GRIA3: variants seen among roughly 807,000 people sequenced by gnomAD.
GRIA3 encodes the protein glutamate ionotropic receptor AMPA type subunit 3.
Under a neutral mutation model 63.0 loss-of-function variants are expected in GRIA3, and 3 were observed. The observed-to-expected ratio is 0.05, with a 90% confidence interval of 0.02 to 0.12. GRIA3 has a LOEUF of 0.12. Ranked by LOEUF, GRIA3 falls within the 10% of genes least tolerant of loss-of-function variation. The pLI is 1.00. For synonymous variants in GRIA3, 274 were observed against 257.9 expected (o/e 1.06, Z -0.60); for missense variants, 347 against 700.9 (o/e 0.50, Z 5.70).
intron 4 of GRIA3, among the ~76,000 whole-genome samples, chrX:123,340,824 T>C (rs1239811023): frequency 8.9e-6 from 1 of 111,772 alleles, no homozygotes; most frequent in Non-Finnish European, 1.9e-5. Flanking sequence ...ATTCACCCTA[T>C]GATGACTTAA....
chrX:123,406,362 G>C (rs2045474001), intron 10 of GRIA3, among the ~76,000 whole-genome samples: 1 of 111,963 alleles, frequency 8.9e-6, no homozygotes, highest in Middle Eastern at 4.6e-3. Context: ...GCTCCAGCTG[G>C]CAAGAAGCAA....
At chrX:123,467,760 A>G (rs1223880820) in intron 13 of GRIA3, among the ~76,000 whole-genome samples, 1 of 112,232 alleles carries the variant, frequency 8.9e-6, no homozygotes, top group African/African-American at 3.2e-5. Context: ...ATATAAACAA[A>G]CAAAAAAATC....
chrX:123,276,847 G>A (rs999021908), intron 3 of GRIA3, among the ~76,000 whole-genome samples: 2 of 111,356 alleles, frequency 1.8e-5, no homozygotes, highest in African/African-American at 6.5e-5. Context: ...AGACAGTATG[G>A]TAACTACTAG....
intron 5 of GRIA3, among the ~76,000 whole-genome samples, chrX:123,382,725 G>T (rs1452666392): frequency 8.9e-6 from 1 of 111,850 alleles, no homozygotes; most frequent in Non-Finnish European, 1.9e-5. Flanking sequence ...GAAAAGAGTG[G>T]TACAGTAGAC....
At chrX:123,463,820 AGAAAG>A (rs1364790470) in intron 12 of GRIA3, among the ~76,000 whole-genome samples, 2 of 109,515 alleles carry the variant, frequency 1.8e-5, no homozygotes, top group Non-Finnish European at 3.8e-5. Context: ...AGAAAGAAAA[AGAAAG>A]AGAAAGAAAG....
intron 5 of GRIA3, among the ~76,000 whole-genome samples, chrX:123,365,167 A>G (rs1324490058): frequency 8.9e-6 from 1 of 112,081 alleles, no homozygotes; most frequent in Non-Finnish European, 1.9e-5. Flanking sequence ...AGCTTGATCT[A>G]ATCATTTCAC....
chrX:123,380,714 C>T (rs1205753843), intron 5 of GRIA3, among the ~76,000 whole-genome samples: 3 of 111,841 alleles, frequency 2.7e-5, no homozygotes, highest in Admixed American at 9.5e-5. Context: ...ACATGAAGTC[C>T]TTGCCCATGC....
At chrX:123,214,770 C>T (rs957852189) in intron 2 of GRIA3, among the ~76,000 whole-genome samples, 3 of 112,085 alleles carry the variant, frequency 2.7e-5, no homozygotes, top group East Asian at 2.8e-4. Flanking sequence ...TTACAAAAAC[C>T]TATCTGATAG....
At chrX:123,347,893 C>T (rs777068001) in intron 4 of GRIA3, among the ~76,000 whole-genome samples, 13 of 111,446 alleles carry the variant, frequency 1.2e-4, no homozygotes, top group Non-Finnish European at 1.9e-4. Context: ...TTAGGTGTGA[C>T]GAGTTATTGA....
At chrX:123,469,612 G>A (rs57034498) in intron 13 of GRIA3, among the ~76,000 whole-genome samples, 25,820 of 110,926 alleles carry the variant, frequency 0.23, 2,742 homozygotes, top group East Asian at 0.55. Flanking sequence ...TTAGAACTGT[G>A]CTTTGGGAAT....
chrX:123,185,758 A>G, intron 1 of GRIA3, 74 bp from the exon 2 acceptor site: 1 of 844,849 alleles, frequency 1.2e-6, no homozygotes. Flanking sequence ...TCCGGTATCT[A>G]TATTGTTCCC....
chrX:123,475,077 G>A (rs1001141001), intron 13 of GRIA3, among the ~76,000 whole-genome samples: 8 of 112,212 alleles, frequency 7.1e-5, no homozygotes, highest in African/African-American at 2.6e-4. Flanking sequence ...CCCACACTCA[G>A]GAATCATCAC....
At chrX:123,184,680 T>C (rs1485786220) in intron 1 of GRIA3, 36 bp downstream of exon 1, 2 of 971,620 alleles carry the variant, frequency 2.1e-6, no homozygotes, top group African/African-American at 1.9e-5. Flanking sequence ...GTCCAGGCTC[T>C]CCCTCACCCG....
intron 4 of GRIA3, among the ~76,000 whole-genome samples, chrX:123,338,818 G>A (rs993834562): frequency 8.9e-6 from 1 of 112,163 alleles, no homozygotes; most frequent in Non-Finnish European, 1.9e-5. Flanking sequence ...CCAAAGTGCT[G>A]GGATTACAGG....
chrX:123,463,684 G>GAAAGAA lies in GRIA3; in HGVS notation c.2077-1180_2077-1179insAAGAAA, dbSNP rs1450137968. ...AGAAAGAAAGAAAGAAAGAAAGAAAGAGAGAGAAAGAAAGAAAAAGAAAGA... is the reference window on the plus strand; with the variant it reads ...AGAAAGAAAGAAAGAAAGAAAGAAAGAAAGAAAGAGAGAAAGAAAGAAAAAGAAAGA... On this transcript the variant is annotated intron_variant, in intron 12 of 15. Transcript: ENST00000620443. 1.1e-4 allele frequency among the ~76,000 whole-genome samples: 6 copies of GAAAGAA among 54,084 alleles called. 1 individual carries two copies. Among genetic ancestry groups the GAAAGAA allele is most frequent in the East Asian group, 5.4e-4 (1 of 1,841 alleles). 47.0% of individuals were successfully genotyped at this position (54,084 alleles called of 115,157 possible). A position where few individuals can be genotyped will look rare whatever the true frequency, so the allele number is the denominator to read the frequency against.
At chrX:123,279,884 A>G (rs2044575306) in intron 3 of GRIA3, among the ~76,000 whole-genome samples, 1 of 111,679 alleles carries the variant, frequency 9.0e-6, no homozygotes, top group African/African-American at 3.3e-5. Flanking sequence ...TAAATTACCA[A>G]AGAAAGACAA....
At chrX:123,317,774 T>G (rs1240228698) in intron 3 of GRIA3, among the ~76,000 whole-genome samples, 2 of 111,718 alleles carry the variant, frequency 1.8e-5, no homozygotes, top group Non-Finnish European at 3.8e-5. Context: ...TGTCAGTGGA[T>G]CTACCATTCT....
At chrX:123,298,353 A>C (rs1311140102) in intron 3 of GRIA3, among the ~76,000 whole-genome samples, 1 of 111,277 alleles carries the variant, frequency 9.0e-6, no homozygotes, top group African/African-American at 3.3e-5. Flanking sequence ...CAGCAAGGGT[A>C]TATAAGGGTA....
chrX:123,340,209 C>T (rs1025241584), intron 4 of GRIA3, among the ~76,000 whole-genome samples: 2 of 112,541 alleles, frequency 1.8e-5, no homozygotes, highest in Admixed American at 9.4e-5. Flanking sequence ...CTGTAATTAG[C>T]ATTTAGATTA....
Sources: allele counts gnomAD v4.1 joint callset (sites outside exome capture counted in the v4.1 genomes callset), GRCh38; gene constraint gnomAD v4.1.1; transcripts MANE v1.5; gene names NCBI Gene and HGNC (gene_info 2026-07-23, HGNC 2026-07-21).